PACRG: variants seen among roughly 807,000 people sequenced by gnomAD.
PACRG encodes parkin coregulated, also known as parkin coregulated gene protein.
In PACRG, 29 loss-of-function variants were observed where a neutral mutation model predicts 29.7. That is an observed-to-expected ratio of 0.98 (90% CI 0.73 to 1.33). The LOEUF (loss-of-function observed/expected upper bound fraction) is 1.33, where lower values mean the gene tolerates loss of function less well. PACRG is among the 40% of genes most tolerant of loss of function. The pLI is 0.00. For missense variants in PACRG, 279 were observed against 316.2 expected (o/e 0.88, Z 0.89); for synonymous variants, 116 against 118.7 (o/e 0.98, Z 0.15).
intron 1 of PACRG, among the ~76,000 whole-genome samples, chr6:162,802,833 A>G (rs1165334198): frequency 6.6e-6 from 1 of 152,150 alleles, no homozygotes; most frequent in Admixed American, 6.5e-5. Context: ...TTATGGTATC[A>G]TCCCTTTTCC....
intron 4 of PACRG, among the ~76,000 whole-genome samples, chr6:163,130,878 C>G (rs936432612): frequency 1.5e-4 from 23 of 152,298 alleles, no homozygotes; most frequent in African/African-American, 5.5e-4. Context: ...AAAGTCTCCC[C>G]GCAAGATCCA....
At chr6:163,204,433 A>G (rs962013654) in intron 4 of PACRG, among the ~76,000 whole-genome samples, 3 of 152,166 alleles carry the variant, frequency 2.0e-5, no homozygotes, top group Non-Finnish European at 4.4e-5. Context: ...GTGTGTTTTT[A>G]TATGCATATG....
intron 4 of PACRG, among the ~76,000 whole-genome samples, chr6:163,303,792 T>C (rs1031778637): frequency 6.6e-6 from 1 of 151,862 alleles, no homozygotes; most frequent in African/African-American, 2.4e-5. Context: ...GGGGATCACC[T>C]GAGGTCAGGG....
Position 162,728,111 on chromosome 6 carries a change from G to A in PACRG, c.-125G>A. On this transcript the variant is annotated 5_prime_UTR_variant, in exon 1 of 5. Transcript: ENST00000366888. The stretch of plus-strand genomic sequence containing the variant: ...ACATCTGGATCAACCTGGGCACTAC[G>A]AGGGGTTGAATTTCTACCATTATCG... 1.7e-6 allele frequency: 2 copies of A among 1,167,828 alleles called. No homozygotes were observed. Among genetic ancestry groups the A allele is most frequent in the Non-Finnish European group, 1.2e-6 (1 of 821,362 alleles). The allele number at this position is 1,167,828 out of a possible 1,614,324, so 72.3% of individuals were successfully genotyped here. A position where few individuals can be genotyped will look rare whatever the true frequency, so the allele number is the denominator to read the frequency against.
chr6:162,737,035 C>T (rs1780218261), intron 1 of PACRG, among the ~76,000 whole-genome samples: 1 of 152,070 alleles, frequency 6.6e-6, no homozygotes, highest in East Asian at 1.9e-4. Flanking sequence ...TACAGTATTT[C>T]CTTGAAATAC....
intron 4 of PACRG, among the ~76,000 whole-genome samples, chr6:163,285,663 A>G (rs960784414): frequency 1.3e-5 from 2 of 152,196 alleles, no homozygotes; most frequent in African/African-American, 4.8e-5. Context: ...AAAAGAATGC[A>G]CCGTCCGTGA....
At chr6:163,246,318 C>T (rs1250519834) in intron 4 of PACRG, among the ~76,000 whole-genome samples, 1 of 152,120 alleles carries the variant, frequency 6.6e-6, no homozygotes, top group African/African-American at 2.4e-5. Flanking sequence ...TGCCTCAGGG[C>T]CTTTGCACCA....
intron 1 of PACRG, among the ~76,000 whole-genome samples, chr6:162,740,000 T>C (rs559980621): frequency 6.6e-6 from 1 of 152,306 alleles, no homozygotes; most frequent in South Asian, 2.1e-4. Context: ...GGTAAGGCTT[T>C]CTTTTGATCT....
intron 4 of PACRG, among the ~76,000 whole-genome samples, chr6:163,098,969 C>G (rs781578429): frequency 4.1e-4 from 62 of 152,074 alleles, no homozygotes; most frequent in Admixed American, 2.7e-3. Flanking sequence ...GGGTTTGGGC[C>G]GGCTTCTTTA....
rs150654756 is a variant in PACRG at position 163,050,743 on chromosome 6, T to C, written c.292-11407T>C. On this transcript the variant is annotated intron_variant, in intron 2 of 4. Transcript: ENST00000366888. Reference sequence around the variant, plus strand: ...TTTTCTCTGACCTCTATTTTATTAATGAGACATGTAATTTCCATCTAATTT... The same window carrying C: ...TTTTCTCTGACCTCTATTTTATTAACGAGACATGTAATTTCCATCTAATTT... Among the ~76,000 whole-genome samples the C allele has an allele frequency of 6.3e-3, 963 of 152,350 alleles. 4 individuals are homozygous for C. Among genetic ancestry groups the C allele is most frequent in the African/African-American group, 0.016 (676 of 41,586 alleles).
At chr6:163,312,693 T>C (rs1254290650) in intron 4 of PACRG, 5 of 337,168 alleles carry the variant, frequency 1.5e-5, no homozygotes, top group South Asian at 4.4e-5. Flanking sequence ...TCAAAAACAA[T>C]AGGGCAAGGA....
At chr6:163,291,576 G>A (rs1562362467) in intron 4 of PACRG, among the ~76,000 whole-genome samples, 1 of 152,230 alleles carries the variant, frequency 6.6e-6, no homozygotes, top group Non-Finnish European at 1.5e-5. Context: ...TCCAACAAAC[G>A]TCTCTTGAAC....
At chr6:163,292,818 C>T (rs970125560) in intron 4 of PACRG, among the ~76,000 whole-genome samples, 2 of 152,156 alleles carry the variant, frequency 1.3e-5, no homozygotes, top group Non-Finnish European at 2.9e-5. Flanking sequence ...ATTAAGTAAT[C>T]TAAACCAGAT....
At chr6:162,983,034 G>A (rs193271591) in intron 2 of PACRG, among the ~76,000 whole-genome samples, 15 of 151,920 alleles carry the variant, frequency 9.9e-5, no homozygotes, top group Non-Finnish European at 1.8e-4. Flanking sequence ...CCTGTTGAAC[G>A]GATCCTTTTA....
chr6:163,245,456 A>C (rs750597492), intron 4 of PACRG, among the ~76,000 whole-genome samples: 1 of 152,136 alleles, frequency 6.6e-6, no homozygotes, highest in Non-Finnish European at 1.5e-5. Flanking sequence ...CAAAAATCGC[A>C]CAGAGCCGGC....
chr6:162,861,810 C>G (rs1170945995), intron 2 of PACRG, among the ~76,000 whole-genome samples: 1 of 152,158 alleles, frequency 6.6e-6, no homozygotes, highest in African/African-American at 2.4e-5. Context: ...CTTTAGATCT[C>G]TGTTGTAAAG....
chr6:162,949,798 C>T lies in PACRG; in HGVS notation c.292-112352C>T, dbSNP rs188725536. Among the ~76,000 whole-genome samples the T allele has an allele frequency of 1.1e-4, 16 of 152,182 alleles. No homozygotes were observed. In the East Asian group the frequency reaches 2.7e-3, roughly 26 times the overall value. On this transcript the variant is annotated intron_variant, in intron 2 of 4. Coordinates refer to ENST00000366888, the MANE Select transcript of PACRG (RefSeq NM_001080379.2). ...TTCCAATTTCTCTTACTCCTAGGGC[C>T]CAGCTCTGAAGAGGGCTGAACTGGC...
At chr6:162,772,866 A>G (rs1329109186) in intron 1 of PACRG, among the ~76,000 whole-genome samples, 2 of 152,236 alleles carry the variant, frequency 1.3e-5, no homozygotes, top group African/African-American at 4.8e-5. Context: ...TTGGATATGT[A>G]GACAGAAGAA....
intron 1 of PACRG, among the ~76,000 whole-genome samples, chr6:162,787,916 C>T (rs1008425953): frequency 1.3e-5 from 2 of 151,450 alleles, no homozygotes; most frequent in African/African-American, 4.9e-5. Context: ...TTTTTTAGAG[C>T]AGTTTCAGGT....
Sources: gnomAD v4.1 joint callset for allele counts (sites outside exome capture counted in the v4.1 genomes callset) on GRCh38, gnomAD v4.1.1 for gene constraint, MANE v1.5 for transcripts, NCBI Gene and HGNC (gene_info 2026-07-23, HGNC 2026-07-21) for gene names.